Variants in SCLT1 observed in about 807,000 individuals in gnomAD.
SCLT1 encodes sodium channel and clathrin linker 1, also known as sodium channel-associated protein 1.
Under a neutral mutation model 112.8 loss-of-function variants are expected in SCLT1, and 78 were observed. That is an observed-to-expected ratio of 0.69 (90% confidence interval 0.58 to 0.83). SCLT1 has a LOEUF of 0.83. Ranked by LOEUF, SCLT1 falls within the 40% of genes least tolerant of loss-of-function variation. The pLI is 0.00. For synonymous variants in SCLT1, 257 were observed against 254.7 expected, an observed-to-expected ratio of 1.01 and a Z score of -0.09; for missense variants, 747 against 770.4, an observed-to-expected ratio of 0.97 and a Z score of 0.36.
intron 14 of SCLT1, chr4:128,952,451 T>C (rs1371408351): frequency 4.1e-6 from 2 of 489,012 alleles, no homozygotes; most frequent in Admixed American, 2.3e-5. Flanking sequence ...CTGTTATATA[T>C]ACTTTCTCTT....
chr4:129,015,581 G>C (rs886716877), intron 5 of SCLT1, among the ~76,000 whole-genome samples: 1 of 152,154 alleles, frequency 6.6e-6, no homozygotes, highest in Non-Finnish European at 1.5e-5. Context: ...CCCTGGCCAT[G>C]CTCCACTACA....
At chr4:129,038,986 A>C in intron 5 of SCLT1, 55 bp downstream of exon 5, 1 of 1,097,388 alleles carries the variant, frequency 9.1e-7, no homozygotes, top group Admixed American at 1.9e-5. Flanking sequence ...AATAACAAAA[A>C]TAAAAGTTAC....
intron 18 of SCLT1, among the ~76,000 whole-genome samples, chr4:128,912,248 C>T (rs1021850709): frequency 3.3e-5 from 5 of 152,084 alleles, no homozygotes; most frequent in African/African-American, 1.2e-4. Flanking sequence ...ACCATTGAAT[C>T]ACTAAAAACA....
At chr4:129,020,862 T>C (rs1047307346) in intron 5 of SCLT1, among the ~76,000 whole-genome samples, 2 of 152,150 alleles carry the variant, frequency 1.3e-5, no homozygotes, top group African/African-American at 4.8e-5. Flanking sequence ...CACTGTTCAG[T>C]GGTGGTAGGT....
At chr4:128,907,373 T>C (rs1734769778) in intron 18 of SCLT1, among the ~76,000 whole-genome samples, 1 of 152,162 alleles carries the variant, frequency 6.6e-6, no homozygotes, top group Admixed American at 6.5e-5. Context: ...ACAGCCTGAA[T>C]GATAGCAACT....
In SCLT1 at chr4:129,093,133, C is replaced by T. The variant is rs779043796; in HGVS notation, c.-30G>A. 1 of 1,607,208 alleles carries T rather than the reference C, an allele frequency of 6.2e-7. No homozygotes were observed. Among genetic ancestry groups the T allele is most frequent in the African/African-American group, 1.3e-5 (1 of 74,824 alleles). Reference sequence around the variant, plus strand: ...ATACAATTTTAGTTTAGAGCTTTCACCACCTTTACCTTCCTCTGAAAGACA... The same window carrying T: ...ATACAATTTTAGTTTAGAGCTTTCATCACCTTTACCTTCCTCTGAAAGACA... On this transcript the variant is annotated 5_prime_UTR_variant, in exon 1 of 21. In the 5' UTR this introduces an upstream ATG that the reference lacks. Coordinates refer to ENST00000281142, the MANE Select transcript of SCLT1 (RefSeq NM_144643.4).
intron 5 of SCLT1, among the ~76,000 whole-genome samples, chr4:129,008,949 A>C (rs996701256): frequency 2.0e-5 from 3 of 152,216 alleles, no homozygotes; most frequent in Non-Finnish European, 4.4e-5. Flanking sequence ...TTTGCTAAGG[A>C]TAATCACCTC....
intron 2 of SCLT1, among the ~76,000 whole-genome samples, chr4:129,057,613 G>A (rs1251467303): frequency 2.0e-5 from 3 of 148,072 alleles, no homozygotes. Flanking sequence ...TCTCATAATT[G>A]GTCTGTTCAG....
intron 2 of SCLT1, among the ~76,000 whole-genome samples, chr4:129,060,530 C>T (rs1021696884): frequency 6.6e-5 from 10 of 152,202 alleles, no homozygotes; most frequent in East Asian, 1.9e-4. Flanking sequence ...TTGGGAAGGG[C>T]GTGGTAATTT....
At chr4:128,975,579 T>C (rs745869434) in intron 9 of SCLT1, among the ~76,000 whole-genome samples, 14 of 152,196 alleles carry the variant, frequency 9.2e-5, no homozygotes, top group Admixed American at 2.0e-4. Flanking sequence ...TATGCCTTTT[T>C]TGCATACAGT....
intron 9 of SCLT1, chr4:128,970,935 A>T (rs1342863224): frequency 6.6e-6 from 1 of 152,360 alleles, no homozygotes; most frequent in African/African-American, 2.4e-5. Flanking sequence ...AGTTTGTATT[A>T]TGTAAACACA....
At chr4:129,079,199 C>G (rs1751718779) in intron 2 of SCLT1, among the ~76,000 whole-genome samples, 1 of 152,134 alleles carries the variant, frequency 6.6e-6, no homozygotes, top group African/African-American at 2.4e-5. Flanking sequence ...CATATCCTCA[C>G]ACTGGAAAAT....
chr4:129,057,258 C>T (rs1170887681), intron 2 of SCLT1, among the ~76,000 whole-genome samples: 1 of 152,054 alleles, frequency 6.6e-6, no homozygotes, highest in Non-Finnish European at 1.5e-5. Context: ...AATTTTCAAT[C>T]TATATTCATC....
chr4:128,971,573 G>A (rs2126034634), intron 9 of SCLT1: 1 of 152,180 alleles, frequency 6.6e-6, no homozygotes, highest in Non-Finnish European at 1.5e-5. Flanking sequence ...GTTGATAGAG[G>A]TTTACTAATA....
intron 6 of SCLT1, 41 bp from the exon 7 acceptor site, chr4:128,999,835 C>A: frequency 6.7e-7 from 1 of 1,488,498 alleles, no homozygotes; most frequent in Non-Finnish European, 9.2e-7. Flanking sequence ...TATCAGCAGG[C>A]TATTTATTGT....
intron 17 of SCLT1, among the ~76,000 whole-genome samples, chr4:128,942,085 C>G (rs1179507192): frequency 6.6e-6 from 1 of 152,054 alleles, no homozygotes; most frequent in African/African-American, 2.4e-5. Context: ...TGGGTCCTCT[C>G]CTTGTTCTTC....
intron 1 of SCLT1, among the ~76,000 whole-genome samples, chr4:129,092,725 A>G (rs1035113888): frequency 2.0e-5 from 3 of 152,218 alleles, no homozygotes; most frequent in African/African-American, 7.2e-5. Context: ...TTCAATAAAC[A>G]TCTTTTTAAT....
intron 10 of SCLT1, among the ~76,000 whole-genome samples, chr4:128,967,497 T>C (rs1173673285): frequency 2.0e-5 from 3 of 152,230 alleles, no homozygotes; most frequent in Non-Finnish European, 2.9e-5. Context: ...TTCCCTTTTC[T>C]CAGCAATATT....
intron 17 of SCLT1, among the ~76,000 whole-genome samples, chr4:128,940,587 T>C (rs1221865425): frequency 1.3e-5 from 2 of 151,960 alleles, no homozygotes; most frequent in African/African-American, 4.8e-5. Flanking sequence ...CAGTATCTTA[T>C]TAAAAACATA....
Sources: allele counts gnomAD v4.1 joint callset (sites outside exome capture counted in the v4.1 genomes callset), GRCh38; gene constraint gnomAD v4.1.1; transcripts MANE v1.5; gene names NCBI Gene and HGNC (gene_info 2026-07-23, HGNC 2026-07-21).